ARPC3: variants seen among roughly 807,000 people sequenced by gnomAD.
The protein encoded by ARPC3 is actin related protein 2/3 complex subunit 3.
ARPC3 carries 12 observed loss-of-function variants against 27.6 expected under a neutral mutation model. The observed-to-expected ratio is 0.43, with a 90% CI of 0.28 to 0.70. The LOEUF (loss-of-function observed/expected upper bound fraction) is 0.70, where lower values mean the gene tolerates loss of function less well. ARPC3 is among the 30% of genes least tolerant of loss of function. ARPC3 has a pLI of 0.17. For missense variants in ARPC3, 153 were observed against 207.7 expected (o/e 0.74, Z 1.62); for synonymous variants, 53 against 67.2 (o/e 0.79, Z 1.03).
intron 3 of ARPC3, among the ~76,000 whole-genome samples, chr12:110,438,468 G>A (rs1253413392): frequency 1.3e-4 from 19 of 150,418 alleles, no homozygotes; most frequent in Non-Finnish European, 1.9e-4. Context: ...GCGTGGTGGC[G>A]CGTGCCTGTA....
At chr12:110,445,403 T>C (rs765308536) in intron 2 of ARPC3, 49 bp downstream of exon 2, 4 of 1,335,240 alleles carry the variant, frequency 3.0e-6, no homozygotes, top group Non-Finnish European at 3.2e-6. Flanking sequence ...TTTCAGAAGA[T>C]TGTTAGGCAT....
At chr12:110,441,708 TAAA>T (rs1030508225) in intron 2 of ARPC3, among the ~76,000 whole-genome samples, 1 of 151,878 alleles carries the variant, frequency 6.6e-6, no homozygotes, top group Non-Finnish European at 1.5e-5. Flanking sequence ...TTTTTTTCTT[TAAA>T]AATTAAATAA....
intron 1 of ARPC3, 35 bp from the exon 2 acceptor site, chr12:110,445,586 G>A: frequency 1.4e-6 from 2 of 1,465,046 alleles, no homozygotes; most frequent in Non-Finnish European, 1.9e-6. Context: ...CACAGAAGCA[G>A]AAAAAGAGCA....
At chr12:110,440,569 C>CA in intron 2 of ARPC3, 181 bp from the exon 3 acceptor site, 1 of 544,192 alleles carries the variant, frequency 1.8e-6, no homozygotes, top group Non-Finnish European at 3.3e-6. Context: ...TTTTTTGAGA[C>CA]AGAGTCTCGC....
At chr12:110,442,428 A>C (rs943215480) in intron 2 of ARPC3, among the ~76,000 whole-genome samples, 6 of 151,964 alleles carry the variant, frequency 3.9e-5, no homozygotes, top group Admixed American at 2.0e-4. Flanking sequence ...GCCAACATGG[A>C]GAAACCCTGT....
In ARPC3 at chr12:110,434,862, A is replaced by T; in HGVS notation, c.*293T>A. Reference sequence around the variant, plus strand: ...TGAATTTTATCTCAAAACAAATTGTAAGTGAATGTCAAAGACTGGCAATAA... The same window carrying T: ...TGAATTTTATCTCAAAACAAATTGTTAGTGAATGTCAAAGACTGGCAATAA... On this transcript the variant is annotated 3_prime_UTR_variant, in exon 7 of 7. Transcript: ENST00000228825. The T allele has an allele frequency of 1.8e-6, 1 of 564,172 alleles. No homozygotes were observed. The highest frequency in any genetic ancestry group is 3.3e-6 in the Non-Finnish European group (1 of 307,566). 34.9% of individuals were successfully genotyped at this position (564,172 alleles called of 1,614,324 possible).
chr12:110,439,061 C>A (rs1483774283), intron 3 of ARPC3, among the ~76,000 whole-genome samples: 2 of 151,632 alleles, frequency 1.3e-5, no homozygotes, highest in African/African-American at 4.8e-5. Flanking sequence ...TCTCGGCTCA[C>A]TGCAACCATC....
Position 110,436,703 on chromosome 12 carries a change from T to TATATATATACACAC in ARPC3, c.253-34_253-21dup. ...ATTGCACTGGAAAAAAAAATATATATATATATATACACACACACACACACA... is the reference window on the plus strand; with the variant it reads ...ATTGCACTGGAAAAAAAAATATATATATATATATACACACATATATATACACACACACACACACA... On this transcript the variant is annotated intron_variant, in intron 4 of 6. Transcript: ENST00000228825. 1.2e-6 allele frequency: 1 copy of TATATATATACACAC among 850,436 alleles called. No homozygotes were observed. Among genetic ancestry groups the TATATATATACACAC allele is most frequent in the Non-Finnish European group, 1.8e-6 (1 of 551,546 alleles). The allele number at this position is 850,436 out of a possible 1,614,324, so 52.7% of individuals were successfully genotyped here. A position where few individuals can be genotyped will look rare whatever the true frequency, so the allele number is the denominator to read the frequency against.
At chr12:110,436,936 T>C in intron 4 of ARPC3, 148 bp downstream of exon 4, 1 of 724,466 alleles carries the variant, frequency 1.4e-6, no homozygotes, top group Non-Finnish European at 2.4e-6. Flanking sequence ...GGTAACTAAA[T>C]TCAAATTTTT....
intron 4 of ARPC3, 24 bp from the exon 5 acceptor site, chr12:110,436,707 T>TACAC (rs1456376142): frequency 2.2e-4 from 184 of 821,478 alleles, no homozygotes; most frequent in African/African-American, 1.4e-3. Flanking sequence ...TATATATATA[T>TACAC]ATATACACAC....
chr12:110,438,125 G>T (rs1450110951), intron 3 of ARPC3, among the ~76,000 whole-genome samples: 1 of 151,708 alleles, frequency 6.6e-6, no homozygotes, highest in Non-Finnish European at 1.5e-5. Flanking sequence ...GCGAAACACC[G>T]TCTCTACTAA....
At chr12:110,437,294 C>A in intron 3 of ARPC3, 142 bp from the exon 4 acceptor site, 1 of 677,670 alleles carries the variant, frequency 1.5e-6, no homozygotes. Context: ...TCCCATTCTC[C>A]AAATGCACAG....
At chr12:110,436,737 C>CAT in intron 4 of ARPC3, 54 bp from the exon 5 acceptor site, 1 of 1,089,990 alleles carries the variant, frequency 9.2e-7, no homozygotes, top group Non-Finnish European at 1.3e-6. Context: ...CACACACACA[C>CAT]ACACACACAC....
At chr12:110,447,826 C>G (rs949944202) in intron 1 of ARPC3, among the ~76,000 whole-genome samples, 4 of 151,400 alleles carry the variant, frequency 2.6e-5, no homozygotes, top group African/African-American at 7.3e-5. Context: ...AAACAAAACC[C>G]AACAGAGTGA....
intron 6 of ARPC3, among the ~76,000 whole-genome samples, 178 bp from the exon 7 acceptor site, chr12:110,435,395 T>C (rs572676737): frequency 6.6e-6 from 1 of 151,844 alleles, no homozygotes; most frequent in Admixed American, 6.6e-5. Flanking sequence ...AGTGGTGTGA[T>C]CTTGGCTCAC....
intron 3 of ARPC3, among the ~76,000 whole-genome samples, chr12:110,439,243 C>T (rs1031324541): frequency 2.0e-5 from 3 of 152,064 alleles, no homozygotes; most frequent in African/African-American, 7.2e-5. Context: ...GCCTCAGCCT[C>T]CCAAGTGTTG....
intron 1 of ARPC3, among the ~76,000 whole-genome samples, chr12:110,448,164 G>A (rs1298053095): frequency 6.6e-6 from 1 of 151,880 alleles, no homozygotes; most frequent in African/African-American, 2.4e-5. Flanking sequence ...ACAGGCATAA[G>A]CCACTGCACC....
intron 1 of ARPC3, among the ~76,000 whole-genome samples, chr12:110,447,329 G>A (rs908053912): frequency 2.0e-5 from 3 of 152,148 alleles, no homozygotes; most frequent in Non-Finnish European, 2.9e-5. Context: ...AAGATGTCTG[G>A]CTTTTTATAA....
At chr12:110,439,499 T>G (rs904395672) in intron 3 of ARPC3, among the ~76,000 whole-genome samples, 4 of 152,184 alleles carry the variant, frequency 2.6e-5, no homozygotes, top group African/African-American at 9.6e-5. Flanking sequence ...CACAACCTGT[T>G]TGATTCCAGA....
Sources: allele counts gnomAD v4.1 joint callset (sites outside exome capture counted in the v4.1 genomes callset), GRCh38; gene constraint gnomAD v4.1.1; transcripts MANE v1.5; gene names NCBI Gene and HGNC (gene_info 2026-07-23, HGNC 2026-07-21).